CDK14: variants seen among roughly 807,000 people sequenced by gnomAD.
CDK14 encodes the protein cyclin dependent kinase 14.
A neutral mutation model predicts 60.7 loss-of-function variants in CDK14; 34 were observed. The observed-to-expected ratio is 0.56, with a 90% CI of 0.43 to 0.75. The LOEUF is 0.75. Among genes scored for constraint, CDK14 ranks in the 30% least tolerant of loss-of-function variants. The pLI, the probability that CDK14 is intolerant of heterozygous loss-of-function variation, is 0.00. For missense variants in CDK14, 482 were observed against 564.1 expected (o/e 0.85, Z 1.47); for synonymous variants, 197 against 203.7 (o/e 0.97, Z 0.28).
chr7:90,917,581 T>G lies in CDK14; in HGVS notation c.703-20T>G, dbSNP rs1320559744. The G allele has an allele frequency of 6.2e-7, 1 of 1,609,402 alleles. No homozygotes were observed. Among genetic ancestry groups the G allele is most frequent in the Admixed American group, 1.7e-5 (1 of 59,930 alleles). ...ATTTATCTGTGTTCTGATTTTAACC[T>G]TTGTCTCCTTATTTTTCAGTTGTTT... On this transcript the variant is annotated intron_variant, in intron 7 of 14. Transcript: ENST00000380050.
At chr7:91,033,976 T>G (rs1796838671) in intron 10 of CDK14, among the ~76,000 whole-genome samples, 1 of 152,158 alleles carries the variant, frequency 6.6e-6, no homozygotes, top group Admixed American at 6.5e-5. Flanking sequence ...GAAAATTTAG[T>G]TGGGGAAAAA....
At chr7:90,635,728 A>T (rs550901432) in intron 2 of CDK14, among the ~76,000 whole-genome samples, 10 of 152,186 alleles carry the variant, frequency 6.6e-5, no homozygotes, top group Non-Finnish European at 1.0e-4. Flanking sequence ...CTTGGGCAGT[A>T]TGGCCGTTTT....
chr7:90,635,492 T>C (rs1398982071), intron 2 of CDK14, among the ~76,000 whole-genome samples: 7 of 152,238 alleles, frequency 4.6e-5, no homozygotes, highest in Admixed American at 4.6e-4. Context: ...CATTGATCTA[T>C]ATCTCTGTTT....
At chr7:90,822,756 G>C (rs1455379580) in intron 5 of CDK14, among the ~76,000 whole-genome samples, 1 of 152,172 alleles carries the variant, frequency 6.6e-6, no homozygotes, top group Non-Finnish European at 1.5e-5. Flanking sequence ...AATGATTGTT[G>C]CAAAGATGGA....
At chr7:90,648,955 A>G (rs1355884948) in intron 2 of CDK14, among the ~76,000 whole-genome samples, 1 of 152,320 alleles carries the variant, frequency 6.6e-6, no homozygotes, top group Non-Finnish European at 1.5e-5. Flanking sequence ...GAGAGTTCTC[A>G]GTTGAGGGAC....
intron 2 of CDK14, chr7:90,709,557 G>A: frequency 6.2e-7 from 1 of 1,613,136 alleles, no homozygotes; most frequent in South Asian, 1.1e-5. Context: ...CGGTTACTTT[G>A]GCTGCAATGC....
intron 4 of CDK14, among the ~76,000 whole-genome samples, chr7:90,787,170 A>T (rs566806463): frequency 1.6e-4 from 24 of 152,168 alleles, no homozygotes; most frequent in Non-Finnish European, 2.5e-4. Context: ...TTTGATAATC[A>T]GTGTAATTCT....
intron 3 of CDK14, among the ~76,000 whole-genome samples, chr7:90,732,223 G>T (rs1802895597): frequency 6.6e-6 from 1 of 152,144 alleles, no homozygotes; most frequent in Non-Finnish European, 1.5e-5. Flanking sequence ...TTTTTGATGG[G>T]CTGCTGGATT....
chr7:90,870,467 C>T (rs769837959), intron 6 of CDK14, among the ~76,000 whole-genome samples: 2 of 152,182 alleles, frequency 1.3e-5, no homozygotes, highest in Non-Finnish European at 2.9e-5. Context: ...GTATAACAAA[C>T]TTGCACGTGT....
At chr7:90,651,864 G>A (rs545491075) in intron 2 of CDK14, among the ~76,000 whole-genome samples, 1 of 152,114 alleles carries the variant, frequency 6.6e-6, no homozygotes, top group South Asian at 2.1e-4. Flanking sequence ...AGGTTATCTG[G>A]GATGTTGAGT....
chr7:90,825,200 G>A (rs530860179), intron 5 of CDK14, among the ~76,000 whole-genome samples: 1 of 152,298 alleles, frequency 6.6e-6, no homozygotes, highest in Admixed American at 6.5e-5. Context: ...GCTGGGAGAT[G>A]GAGACTATAC....
At chr7:90,864,304 T>C (rs928711198) in intron 6 of CDK14, among the ~76,000 whole-genome samples, 31 of 152,268 alleles carry the variant, frequency 2.0e-4, no homozygotes, top group African/African-American at 7.0e-4. Flanking sequence ...AGCTGAGCAG[T>C]TGCATATATT....
At chr7:90,636,447 C>T (rs1258576442) in intron 2 of CDK14, among the ~76,000 whole-genome samples, 2 of 151,932 alleles carry the variant, frequency 1.3e-5, no homozygotes, top group Non-Finnish European at 2.9e-5. Context: ...TATTGATTTG[C>T]ATATATTGAA....
At chr7:90,822,112 T>C (rs956065053) in intron 5 of CDK14, among the ~76,000 whole-genome samples, 92 of 152,394 alleles carry the variant, frequency 6.0e-4, no homozygotes, top group African/African-American at 2.1e-3. Context: ...TATGCTGTTC[T>C]TGTCTTCAGT....
chr7:90,928,508 G>T (rs1793492501), intron 8 of CDK14, among the ~76,000 whole-genome samples: 1 of 152,120 alleles, frequency 6.6e-6, no homozygotes, highest in Non-Finnish European at 1.5e-5. Context: ...TGTTTGCCTG[G>T]GTATCACCAG....
intron 8 of CDK14, among the ~76,000 whole-genome samples, chr7:90,927,414 C>T (rs1793452256): frequency 6.6e-6 from 1 of 152,096 alleles, no homozygotes; most frequent in Non-Finnish European, 1.5e-5. Context: ...ATGCTCTTAT[C>T]ACCCCTGTTA....
At chr7:91,036,935 C>G (rs1796950922) in intron 10 of CDK14, among the ~76,000 whole-genome samples, 1 of 152,126 alleles carries the variant, frequency 6.6e-6, no homozygotes, top group South Asian at 2.1e-4. Flanking sequence ...GTTCCTGCTC[C>G]CACCCACACT....
intron 5 of CDK14, among the ~76,000 whole-genome samples, chr7:90,799,321 T>C (rs925391282): frequency 8.5e-5 from 13 of 152,190 alleles, no homozygotes; most frequent in Non-Finnish European, 2.9e-5. Context: ...TCATTATTGC[T>C]ATTTTGAGGT....
At chr7:91,173,785 G>C (rs1304343916) in intron 14 of CDK14, among the ~76,000 whole-genome samples, 3 of 152,172 alleles carry the variant, frequency 2.0e-5, no homozygotes, top group Non-Finnish European at 2.9e-5. Flanking sequence ...ATTATATCCC[G>C]CACCTGGCTC....
Sources: allele counts gnomAD v4.1 joint callset (sites outside exome capture counted in the v4.1 genomes callset), GRCh38; gene constraint gnomAD v4.1.1; transcripts MANE v1.5; gene names NCBI Gene and HGNC (gene_info 2026-07-23, HGNC 2026-07-21).